VARS2: variants seen among roughly 807,000 people sequenced by gnomAD.
VARS2 encodes valine--tRNA ligase, mitochondrial.
A neutral mutation model predicts 154.1 loss-of-function variants in VARS2; 105 were observed. That is an observed-to-expected ratio of 0.68 (90% CI 0.58 to 0.80). The LOEUF (loss-of-function observed/expected upper bound fraction) is 0.80. Ranked by LOEUF, VARS2 falls within the 30% of genes least tolerant of loss-of-function variation. The probability of loss-of-function intolerance (pLI) is 0.00; values close to 1 mark genes in which losing one functional copy is unlikely to be tolerated. For synonymous variants in VARS2, 483 were observed against 539.5 expected (o/e 0.90, Z 1.45); for missense variants, 1,157 against 1,361.4 (o/e 0.85, Z 2.36).
chr6:30,922,482 G>A lies in VARS2; in HGVS notation c.1965G>A (p.Gln655=). 6.2e-7 allele frequency: 1 copy of A among 1,600,086 alleles called. No individual in the cohort carries two copies. Among genetic ancestry groups the A allele is most frequent in the Non-Finnish European group, 8.5e-7 (1 of 1,173,938 alleles). Residue 655 remains glutamine, a synonymous_variant, in exon 21 of 30, where the codon CAG becomes CAA. Transcript: ENST00000676266. ...TTCATCCCATGGTTCGGGACAGGCA[G>A]GGCCGGAAGATGAGCAAGTCCCTGG... is the stretch of plus-strand genomic sequence containing the variant. ...VLLHPMVRDR[Q]GRKMSKSLGN...
chr6:30,922,277 C>T (rs772419589), intron 20 of VARS2, 36 bp downstream of exon 20: 39 of 1,600,690 alleles, frequency 2.4e-5, no homozygotes, highest in Non-Finnish European at 2.9e-5. Flanking sequence ...CTTTCTGTGA[C>T]TCCAGTGTTC....
In VARS2 at chr6:30,926,236, C is replaced by A. The variant is rs752951647; in HGVS notation, c.*26C>A. The A allele has an allele frequency of 3.1e-6, 5 of 1,608,032 alleles. No individual in the cohort carries two copies. In the East Asian group the frequency reaches 1.1e-4, roughly 36 times the overall value. The stretch of plus-strand genomic sequence containing the variant: ...CTCATCATCCCCATCAGTTTTCCTC[C>A]CTCTCAGACCTGTCTTTGAGGACAA... On this transcript the variant is annotated 3_prime_UTR_variant, in exon 30 of 30. Transcript: ENST00000676266.
rs1257575944 is a variant in VARS2, at chr6:30,925,270, C to T, written c.2674-4C>T. ...TGCCAATTCTGGGTCCCCCCCATTG[C>T]CAGGAGCACTGGCGCCAGCCAGAGC... On this transcript the variant is annotated splice_polypyrimidine_tract_variant and splice_region_variant and intron_variant, in intron 26 of 29. Transcript: ENST00000676266. 2 of 1,608,970 alleles carry T rather than the reference C, an allele frequency of 1.2e-6. No individual in the cohort carries two copies. The highest frequency in any genetic ancestry group is 2.7e-5 in the African/African-American group (2 of 74,984).
At position 30,918,902 on chromosome 6, in the gene VARS2, AC is replaced by A; in HGVS notation, c.1062del (p.Ser355ArgfsTer15). 6.2e-7 allele frequency: 1 copy of A among 1,612,282 alleles called. No individual in the cohort carries two copies. Among genetic ancestry groups the A allele is most frequent in the Non-Finnish European group, 8.5e-7 (1 of 1,179,922 alleles). Reference sequence around the variant, plus strand: ...GTGGCTGTGGCCGTTCATCCAGACGACTCGCGATACACAGTAATACCCAGTG... The same window carrying A: ...GTGGCTGTGGCCGTTCATCCAGACGATCGCGATACACAGTAATACCCAGTG... ...GDVAVAVHPDDSRYTHLHGRQ... is the reference protein window; with the variant it reads ...GDVAVAVHPDXSRYTHLHGRQ... On this transcript the variant is annotated frameshift_variant, in exon 11 of 30. Transcript: ENST00000676266. LOFTEE classifies it high-confidence loss of function.
rs939783607 is a variant in VARS2, at chr6:30,917,554, G to A, written c.874-141G>A. 20 of 795,662 alleles carry A rather than the reference G, an allele frequency of 2.5e-5. No homozygotes were observed. Among genetic ancestry groups the A allele is most frequent in the Middle Eastern group, 7.4e-4 (2 of 2,688 alleles). The allele number at this position is 795,662 out of a possible 1,614,324, so 49.3% of individuals were successfully genotyped here. A position where few individuals can be genotyped will look rare whatever the true frequency, so the allele number is the denominator to read the frequency against. Reference sequence around the variant, plus strand: ...TGCACGAGCATTGGGTGAGGGCAGAGGGAGGTAGCTCCCGAATCCTCCAAA... The same window carrying A: ...TGCACGAGCATTGGGTGAGGGCAGAAGGAGGTAGCTCCCGAATCCTCCAAA... On this transcript the variant is annotated intron_variant, in intron 9 of 29. Coordinates refer to ENST00000676266, the MANE Select transcript of VARS2 (RefSeq NM_020442.6). The surrounding 1 kb of genome is among the most constrained non-coding windows in gnomAD (Gnocchi z 4.4).
In VARS2 at chr6:30,919,476, C is replaced by T. The variant is rs1431107751; in HGVS notation, c.1075-282C>T. 16 of 312,680 alleles carry T rather than the reference C, an allele frequency of 5.1e-5. No homozygotes were observed. The highest frequency in any genetic ancestry group is 1.9e-4 in the Admixed American group (4 of 21,528). 19.4% of individuals were successfully genotyped at this position (312,680 alleles called of 1,614,324 possible). A position where few individuals can be genotyped will look rare whatever the true frequency, so the allele number is the denominator to read the frequency against. ...CTGGGATTACAGGCGTGAGCCGCCG[C>T]GCCTGGCTGCTTGCAGCCTTTATAT... On this transcript the variant is annotated intron_variant, in intron 11 of 29. Transcript: ENST00000676266. This position sits in a 1 kb window ranked among gnomAD's most constrained non-coding sequence, Gnocchi z 4.5.
chr6:30,915,211 T>C lies in VARS2; in HGVS notation c.257T>C (p.Ile86Thr). ...CCTAAGGAGTTAGTATTGTATGAAATCCCTACGAAACCCGGTGAAAAGAAA... is the reference window on the plus strand; with the variant it reads ...CCTAAGGAGTTAGTATTGTATGAAACCCCTACGAAACCCGGTGAAAAGAAA... The part of the protein sequence containing the change: ...WRPKELVLYE[I>T]PTKPGEKKDV... The change falls in exon 3 of 30, where the codon ATC (isoleucine) becomes ACC (threonine). Residue 86 changes from isoleucine to threonine, a missense_variant. Coordinates refer to ENST00000676266, the MANE Select transcript of VARS2 (RefSeq NM_020442.6). 6.2e-7 allele frequency: 1 copy of C among 1,614,122 alleles called. No homozygotes were observed. The highest frequency in any genetic ancestry group is 8.5e-7 in the Non-Finnish European group (1 of 1,180,010).
chr6:30,918,215 G>C (rs565077097), intron 10 of VARS2, among the ~76,000 whole-genome samples: 7 of 152,172 alleles, frequency 4.6e-5, no homozygotes, highest in African/African-American at 1.7e-4. Flanking sequence ...TTACAGGCGC[G>C]TGCCACCAGG....
At position 30,916,724 on chromosome 6, in the gene VARS2, T is replaced by C; in HGVS notation, c.672-154T>C. 4.3e-6 allele frequency: 3 copies of C among 698,924 alleles called. No homozygotes were observed. The highest frequency in any genetic ancestry group is 7.5e-6 in the Non-Finnish European group (3 of 401,700). 43.3% of individuals were successfully genotyped at this position (698,924 alleles called of 1,614,324 possible). A position where few individuals can be genotyped will look rare whatever the true frequency, so the allele number is the denominator to read the frequency against. ...TATCTTAGAAAACCCCATACTGGGT[T>C]TGTAAGTCCATTTCTATTAGCCTCT... On this transcript the variant is annotated intron_variant, in intron 7 of 29. Coordinates refer to ENST00000676266, the MANE Select transcript of VARS2 (RefSeq NM_020442.6). The surrounding 1 kb of genome is among the most constrained non-coding windows in gnomAD (Gnocchi z 4.0).
Position 30,917,184 on chromosome 6 carries a change from A to G in VARS2, c.833A>G (p.Asn278Ser), listed in dbSNP as rs1215259868. Residue 278 changes from asparagine to serine, a missense_variant, in exon 9 of 30, where the codon AAC (asparagine) becomes AGC (serine). Transcript: ENST00000676266. The surrounding 1 kb of genome is among the most constrained non-coding windows in gnomAD (Gnocchi z 4.4). Reference protein sequence around the residue: ...GLLYRNHQLVNWSCALRSAIS... With the variant: ...GLLYRNHQLVSWSCALRSAIS... ...CTGTACCGGAACCATCAGCTTGTCAACTGGTCATGTGCTTTAAGATCAGCC... is the reference window on the plus strand; with the variant it reads ...CTGTACCGGAACCATCAGCTTGTCAGCTGGTCATGTGCTTTAAGATCAGCC... 3 of 1,614,172 alleles carry G rather than the reference A, an allele frequency of 1.9e-6. No homozygotes were observed. Among genetic ancestry groups the G allele is most frequent in the African/African-American group, 1.3e-5 (1 of 75,034 alleles).
intron 22 of VARS2, 44 bp downstream of exon 22, chr6:30,922,818 C>G (rs767250117): frequency 3.2e-6 from 5 of 1,584,886 alleles, no homozygotes; most frequent in Admixed American, 3.5e-5. Context: ...AGCTCACCAC[C>G]TCTGGCTTCC....
chr6:30,916,480 T>A lies in VARS2; in HGVS notation c.671+231T>A, dbSNP rs146653342. The A allele has an allele frequency of 4.9e-5, 14 of 287,048 alleles. No individual in the cohort carries two copies. The highest frequency in any genetic ancestry group is 3.1e-4 in the East Asian group (4 of 12,788). 17.8% of individuals were successfully genotyped at this position (287,048 alleles called of 1,614,324 possible). ...TGTGTGTGTGTGTGTGTGTGTGTAT[T>A]TATATATATATATATATTTTCTTTC... On this transcript the variant is annotated intron_variant, in intron 7 of 29. Coordinates refer to ENST00000676266, the MANE Select transcript of VARS2 (RefSeq NM_020442.6). This position sits in a 1 kb window ranked among gnomAD's most constrained non-coding sequence, Gnocchi z 4.0.
At position 30,914,930 on chromosome 6, in the gene VARS2, T is replaced by G; in HGVS notation, c.94T>G (p.Ser32Ala). ...LPRFHSVSTQ[S>A]EPHGSPISRR... The stretch of plus-strand genomic sequence containing the variant: ...CAGGTTTCACTCCGTTTCTACACAG[T>G]CGGAGCCCCATGGATCTCCCATCTC... Residue 32 changes from serine to alanine, a missense_variant, in exon 2 of 30, where the codon TCG becomes GCG. Ser to Ala is a moderately conservative substitution (Grantham distance 99). Coordinates refer to ENST00000676266, the MANE Select transcript of VARS2 (RefSeq NM_020442.6). 1 of 1,612,982 alleles carries G rather than the reference T, an allele frequency of 6.2e-7. No individual in the cohort carries two copies. Among genetic ancestry groups the G allele is most frequent in the Middle Eastern group, 1.6e-4 (1 of 6,062 alleles).
chr6:30,920,346 T>C lies in VARS2; in HGVS notation c.1307T>C (p.Phe436Ser). The change falls in exon 14 of 30, where the codon TTT (phenylalanine) becomes TCT (serine). Residue 436 changes from phenylalanine (F) to serine (S), a missense_variant. By Grantham distance (155) the Phe-to-Ser change is radical (BLOSUM62 -2). Transcript: ENST00000676266. This position sits in a 1 kb window ranked among gnomAD's most constrained non-coding sequence, Gnocchi z 4.6. ...CTTTTTCTCCAGGGTCTTCACCGGT[T>C]TGTGGCCCGGGAAAAGATAATGTCT... ...CGDWLQGLHR[F>S]VAREKIMSVL... The C allele has an allele frequency of 6.2e-7, 1 of 1,612,154 alleles. No homozygotes were observed. Among genetic ancestry groups the C allele is most frequent in the Non-Finnish European group, 8.5e-7 (1 of 1,179,134 alleles).
chr6:30,914,257 C>A lies in VARS2; in HGVS notation c.-115C>A. The A allele has an allele frequency of 2.5e-6, 2 of 809,354 alleles. No homozygotes were observed. Among genetic ancestry groups the A allele is most frequent in the Non-Finnish European group, 3.3e-6 (2 of 599,834 alleles). 50.1% of individuals were successfully genotyped at this position (809,354 alleles called of 1,614,324 possible). ...GGCCCCGCCCCCATGCGCCGCGCGG[C>A]TCCAGGGCCACGTTCCAGGGTCGGG... On this transcript the variant is annotated 5_prime_UTR_variant, in exon 1 of 30. Coordinates refer to ENST00000676266, the MANE Select transcript of VARS2 (RefSeq NM_020442.6).
intron 27 of VARS2, 72 bp from the exon 28 acceptor site, chr6:30,925,472 C>T (rs572114528): frequency 1.3e-6 from 2 of 1,562,076 alleles, no homozygotes; most frequent in Non-Finnish European, 1.7e-6. Flanking sequence ...GCCAACCCCC[C>T]CGTTAGGAGG....
chr6:30,919,523 A>T lies in VARS2; in HGVS notation c.1075-235A>T. ...ATATTATCTATGGCTGCTATTATAT[A>T]CCCTCTCCAGCTCTGCTGCAGTGGC... On this transcript the variant is annotated intron_variant, in intron 11 of 29. Coordinates refer to ENST00000676266, the MANE Select transcript of VARS2 (RefSeq NM_020442.6). This position sits in a 1 kb window ranked among gnomAD's most constrained non-coding sequence, Gnocchi z 4.5. The T allele has an allele frequency of 2.5e-6, 1 of 401,786 alleles. No homozygotes were observed. Among genetic ancestry groups the T allele is most frequent in the East Asian group, 3.7e-5 (1 of 26,780 alleles). 24.9% of individuals were successfully genotyped at this position (401,786 alleles called of 1,614,324 possible). A position where few individuals can be genotyped will look rare whatever the true frequency, so the allele number is the denominator to read the frequency against.
In VARS2 at chr6:30,914,286, G is replaced by C; in HGVS notation, c.-86G>C. The stretch of plus-strand genomic sequence containing the variant: ...AGGGCCACGTTCCAGGGTCGGGTTT[G>C]GTGGATTCCTCAGTCCCTGCCGCCG... On this transcript the variant is annotated 5_prime_UTR_variant, in exon 1 of 30. Coordinates refer to ENST00000676266, the MANE Select transcript of VARS2 (RefSeq NM_020442.6). The C allele has an allele frequency of 1.0e-6, 1 of 988,870 alleles. No homozygotes were observed. The highest frequency in any genetic ancestry group is 1.3e-6 in the Non-Finnish European group (1 of 763,216). The allele number at this position is 988,870 out of a possible 1,614,324, so 61.3% of individuals were successfully genotyped here.
At position 30,919,534 on chromosome 6, in the gene VARS2, C is replaced by T. The variant is rs7756286; in HGVS notation, c.1075-224C>T. 131,610 of 419,012 alleles carry T rather than the reference C, an allele frequency of 0.31. 22,576 individuals are homozygous for T. Among genetic ancestry groups the T allele is most frequent in the Non-Finnish European group, 0.36 (85,430 of 235,704 alleles). The allele number at this position is 419,012 out of a possible 1,614,324, so 26.0% of individuals were successfully genotyped here. On this transcript the variant is annotated intron_variant, in intron 11 of 29. Transcript: ENST00000676266. This position sits in a 1 kb window ranked among gnomAD's most constrained non-coding sequence, Gnocchi z 4.5. ...GGCTGCTATTATATACCCTCTCCAGCTCTGCTGCAGTGGCATAATAGAGTA... is the reference window on the plus strand; with the variant it reads ...GGCTGCTATTATATACCCTCTCCAGTTCTGCTGCAGTGGCATAATAGAGTA...
Sources: gnomAD v4.1 joint callset for allele counts (sites outside exome capture counted in the v4.1 genomes callset) on GRCh38, gnomAD v4.1.1 for gene constraint, Gnocchi (gnomAD v3.1) non-coding constraint, MANE v1.5 for transcripts, NCBI Gene and HGNC (gene_info 2026-07-23, HGNC 2026-07-21) for gene names.